Variants in CEP85L observed in about 807,000 individuals in gnomAD.
CEP85L encodes centrosomal protein of 85 kDa-like.
A neutral mutation model predicts 100.3 loss-of-function variants in CEP85L; 60 were observed. The observed-to-expected ratio is 0.60, with a 90% CI of 0.49 to 0.74. The LOEUF is 0.74. Ranked by LOEUF, CEP85L falls within the 30% of genes least tolerant of loss-of-function variation. CEP85L has a pLI of 0.00. For missense variants in CEP85L, 973 were observed against 936.2 expected (o/e 1.04, Z -0.51); for synonymous variants, 319 against 322.7 (o/e 0.99, Z 0.12).
At chr6:118,570,843 T>C (rs1200909034) in intron 2 of CEP85L, among the ~76,000 whole-genome samples, 1 of 152,110 alleles carries the variant, frequency 6.6e-6, no homozygotes, top group Non-Finnish European at 1.5e-5. Flanking sequence ...AAAATCTGAT[T>C]AACTGTGACA....
chr6:118,601,184 T>C (rs752622875), intron 2 of CEP85L, among the ~76,000 whole-genome samples: 6 of 152,214 alleles, frequency 3.9e-5, no homozygotes, highest in Non-Finnish European at 7.3e-5. Flanking sequence ...CCTCATATGG[T>C]TATTGTGAAG....
At chr6:118,469,367 C>T in intron 11 of CEP85L, 64 bp from the exon 12 acceptor site, 3 of 1,285,024 alleles carry the variant, frequency 2.3e-6, no homozygotes, top group Non-Finnish European at 3.4e-6. Flanking sequence ...CAAAGCCATA[C>T]AGGTTAACAT....
chr6:118,555,617 T>C (rs1222113542), intron 3 of CEP85L, among the ~76,000 whole-genome samples: 1 of 152,156 alleles, frequency 6.6e-6, no homozygotes, highest in East Asian at 1.9e-4. Context: ...CAAAAGTCAT[T>C]AAATATATGT....
chr6:118,662,130 A>G (rs144077214), intron 1 of CEP85L, among the ~76,000 whole-genome samples: 1 of 152,338 alleles, frequency 6.6e-6, no homozygotes, highest in East Asian at 1.9e-4. Context: ...AATTCACAAG[A>G]AAAACCAGAG....
In CEP85L at chr6:118,480,407, T is replaced by C; in HGVS notation, c.1852A>G (p.Thr618Ala). 6.2e-7 allele frequency: 1 copy of C among 1,600,864 alleles called. No individual in the cohort carries two copies. The highest frequency in any genetic ancestry group is 8.6e-7 in the Non-Finnish European group (1 of 1,168,768). ...AGGTATCTACTGACCTTACTAGCAG[T>C]CTCATTTTGTTGTCTGAGATTATCA... Reference protein sequence around the residue: ...ENDNLRQQNETASKIIDSQQD... With the variant: ...ENDNLRQQNEAASKIIDSQQD... The change falls in exon 9 of 13, where the codon ACT becomes GCT. Residue 618 changes from threonine (T) to alanine (A), a missense_variant. Transcript: ENST00000368491.
intron 2 of CEP85L, among the ~76,000 whole-genome samples, chr6:118,630,887 T>C (rs561389297): frequency 6.6e-6 from 1 of 152,312 alleles, no homozygotes; most frequent in Admixed American, 6.5e-5. Context: ...CCACTGCACA[T>C]GCAAGGGATA....
intron 2 of CEP85L, among the ~76,000 whole-genome samples, chr6:118,615,796 C>T (rs1383889872): frequency 6.6e-6 from 1 of 152,210 alleles, no homozygotes; most frequent in Non-Finnish European, 1.5e-5. Flanking sequence ...TGAGCTTACC[C>T]AGTTTTCAAT....
intron 2 of CEP85L, among the ~76,000 whole-genome samples, chr6:118,611,485 CAA>C (rs1481122105): frequency 6.6e-6 from 1 of 152,036 alleles, no homozygotes; most frequent in African/African-American, 2.4e-5. Flanking sequence ...AGAACAAATA[CAA>C]AGACTTAAGT....
rs2516263 is a variant in CEP85L at position 118,489,678 on chromosome 6, C to A, written c.1437+2008G>T. ...GGCAAGGATGTGGAGAAAGGGGAAC[C>A]CTTGAACACTTGGTGGAAATGTAGA... On this transcript the variant is annotated intron_variant, in intron 6 of 12. Transcript: ENST00000368491. Among the ~76,000 whole-genome samples, 252 of 152,046 alleles carry A rather than the reference C, an allele frequency of 1.7e-3. 2 individuals are homozygous for A. Among genetic ancestry groups the A allele is most frequent in the African/African-American group, 5.9e-3 (244 of 41,484 alleles).
intron 2 of CEP85L, among the ~76,000 whole-genome samples, chr6:118,611,392 C>T (rs969308719): frequency 1.3e-5 from 2 of 152,028 alleles, no homozygotes; most frequent in African/African-American, 4.8e-5. Context: ...AAGAGAGACA[C>T]TGAAAAACAC....
At chr6:118,657,126 GA>G (rs1487970740), upstream of CEP85L, 2 of 152,262 alleles carry the variant, frequency 1.3e-5, no homozygotes, top group African/African-American at 4.8e-5. Context: ...CACATTCTGT[GA>G]GGAAGATGAA....
rs961390334 is a variant in CEP85L, at chr6:118,461,201, T to A, written c.*4204A>T. The A allele has an allele frequency of 1.3e-5, 2 of 152,110 alleles. No individual in the cohort carries two copies. The highest frequency in any genetic ancestry group is 4.8e-5 in the African/African-American group (2 of 41,436). 9.4% of individuals were successfully genotyped at this position (152,110 alleles called of 1,614,324 possible). A position where few individuals can be genotyped will look rare whatever the true frequency, so the allele number is the denominator to read the frequency against. On this transcript the variant is annotated 3_prime_UTR_variant, in exon 13 of 13. Coordinates refer to ENST00000368491, the MANE Select transcript of CEP85L (RefSeq NM_001042475.3). The stretch of plus-strand genomic sequence containing the variant: ...CCACCTAGCACCTTACTACTTCTTG[T>A]CATCACAACAATGCGATGTTAAGTT...
chr6:118,662,541 A>G (rs1015629190), intron 1 of CEP85L, among the ~76,000 whole-genome samples: 6 of 152,184 alleles, frequency 3.9e-5, no homozygotes, highest in Admixed American at 6.5e-5. Flanking sequence ...AAAAGAAAAA[A>G]AAAAAAAAGA....
At chr6:118,517,493 C>T (rs1776349488) in intron 4 of CEP85L, among the ~76,000 whole-genome samples, 1 of 152,086 alleles carries the variant, frequency 6.6e-6, no homozygotes. Context: ...ATATTTTATT[C>T]TCTTTGTAGC....
intron 2 of CEP85L, among the ~76,000 whole-genome samples, chr6:118,604,572 G>A (rs1772049499): frequency 6.6e-6 from 1 of 152,126 alleles, no homozygotes. Flanking sequence ...TCAATTACAT[G>A]TTACGATGTT....
At chr6:118,586,735 C>T (rs1002977111) in intron 2 of CEP85L, among the ~76,000 whole-genome samples, 2 of 152,288 alleles carry the variant, frequency 1.3e-5, no homozygotes, top group Admixed American at 1.3e-4. Flanking sequence ...TCACCCCTAC[C>T]TCAACAAATA....
intron 2 of CEP85L, among the ~76,000 whole-genome samples, chr6:118,576,795 T>C (rs891107500): frequency 6.6e-6 from 1 of 152,120 alleles, no homozygotes; most frequent in Non-Finnish European, 1.5e-5. Flanking sequence ...CCAGTACTTA[T>C]CCATTGTAAA....
chr6:118,697,065 T>C (rs889403981), intron 1 of CEP85L, among the ~76,000 whole-genome samples: 2 of 152,168 alleles, frequency 1.3e-5, no homozygotes, highest in Non-Finnish European at 2.9e-5. Flanking sequence ...AATTTCTCAT[T>C]GGCTAAAATG....
At position 118,639,884 on chromosome 6, in the gene CEP85L, G is replaced by A. The variant is rs570828284; in HGVS notation, c.74-7273C>T. On this transcript the variant is annotated intron_variant, in intron 1 of 12. Transcript: ENST00000368491. ...GTTCAGAAAAAGGATTCAAACAAGC[G>A]TTTTGTTTGGTGGTTGTTGTCTGCT... 1.1e-4 allele frequency among the ~76,000 whole-genome samples: 17 copies of A among 152,078 alleles called. No homozygotes were observed. The East Asian group carries it at 1.3e-3, about 12-fold the overall frequency.
Sources: gnomAD v4.1 joint callset for allele counts (sites outside exome capture counted in the v4.1 genomes callset) on GRCh38, gnomAD v4.1.1 for gene constraint, MANE v1.5 for transcripts, NCBI Gene and HGNC (gene_info 2026-07-23, HGNC 2026-07-21) for gene names.